Variants in GPCPD1 observed in about 807,000 individuals in gnomAD.
The protein encoded by GPCPD1 is glycerophosphocholine phosphodiesterase 1, also known as glycerophosphocholine phosphodiesterase GPCPD1.
GPCPD1 carries 29 observed loss-of-function variants against 89.2 expected under a neutral mutation model. The observed-to-expected ratio is 0.33, with a 90% CI of 0.24 to 0.44. The LOEUF (loss-of-function observed/expected upper bound fraction) is 0.44, where lower values mean the gene tolerates loss of function less well. GPCPD1 is among the 20% of genes least tolerant of loss of function. The probability of loss-of-function intolerance (pLI) is 1.00; values close to 1 mark genes in which losing one functional copy is unlikely to be tolerated. For synonymous variants in GPCPD1, 258 were observed against 266.3 expected (o/e 0.97, Z 0.30); for missense variants, 594 against 808.9 (o/e 0.73, Z 3.22).
At chr20:5,579,236 T>C (rs952169497) in intron 7 of GPCPD1, among the ~76,000 whole-genome samples, 3 of 152,114 alleles carry the variant, frequency 2.0e-5, no homozygotes, top group African/African-American at 7.2e-5. Context: ...AAAAATTTTT[T>C]CCTGTGTGGA....
At chr20:5,580,613 C>A (rs1296870431) in intron 6 of GPCPD1, among the ~76,000 whole-genome samples, 2 of 151,346 alleles carry the variant, frequency 1.3e-5, no homozygotes, top group Non-Finnish European at 2.9e-5. Flanking sequence ...GTAGTCCCAG[C>A]TGCTTGGGAG....
chr20:5,610,972 C>G lies in GPCPD1; in HGVS notation c.-159G>C, dbSNP rs1407784240. Reference sequence around the variant, plus strand: ...CCCCCCAGGCGGCCTGCCGCGGCGTCGAGCGGCAGGAAGCAGCCACGCTCA... The same window carrying G: ...CCCCCCAGGCGGCCTGCCGCGGCGTGGAGCGGCAGGAAGCAGCCACGCTCA... On this transcript the variant is annotated 5_prime_UTR_variant, in exon 1 of 20. Coordinates refer to ENST00000379019, the MANE Select transcript of GPCPD1 (RefSeq NM_019593.5). 2 of 152,052 alleles carry G rather than the reference C, an allele frequency of 1.3e-5. No homozygotes were observed. Among genetic ancestry groups the G allele is most frequent in the South Asian group, 2.1e-4 (1 of 4,826 alleles). The allele number at this position is 152,052 out of a possible 1,614,324, so 9.4% of individuals were successfully genotyped here. A position where few individuals can be genotyped will look rare whatever the true frequency, so the allele number is the denominator to read the frequency against.
At chr20:5,573,086 C>CTTTTT (rs201953819) in intron 11 of GPCPD1, among the ~76,000 whole-genome samples, 1 of 144,146 alleles carries the variant, frequency 6.9e-6, no homozygotes, top group Non-Finnish European at 1.5e-5. Flanking sequence ...ATCTTTCCTT[C>CTTTTT]TTTTTTTTTT....
chr20:5,593,778 T>C (rs942270880), intron 3 of GPCPD1, among the ~76,000 whole-genome samples: 11 of 152,150 alleles, frequency 7.2e-5, no homozygotes, highest in Non-Finnish European at 1.6e-4. Context: ...CCAGGATAAG[T>C]TTCCAAACAG....
intron 12 of GPCPD1, among the ~76,000 whole-genome samples, chr20:5,569,192 C>T (rs1986568253): frequency 6.7e-6 from 1 of 149,974 alleles, no homozygotes; most frequent in Admixed American, 6.7e-5. Context: ...ATAATATATA[C>T]ATCATAATAA....
At chr20:5,562,516 A>G (rs1243244425) in intron 15 of GPCPD1, among the ~76,000 whole-genome samples, 1 of 152,200 alleles carries the variant, frequency 6.6e-6, no homozygotes. Context: ...TCCTGACCTC[A>G]GGTGATCCAC....
At chr20:5,583,283 C>T (rs573385261) in intron 6 of GPCPD1, among the ~76,000 whole-genome samples, 3 of 149,970 alleles carry the variant, frequency 2.0e-5, no homozygotes, top group African/African-American at 7.3e-5. Context: ...GTGGCTCACA[C>T]CTGTAATCCT....
chr20:5,589,189 G>C (rs928257309), intron 4 of GPCPD1, among the ~76,000 whole-genome samples: 2 of 152,040 alleles, frequency 1.3e-5, no homozygotes, highest in African/African-American at 2.4e-5. Flanking sequence ...ATGTACATTG[G>C]TTGGTAAACT....
At chr20:5,594,158 C>G (rs1979532688) in intron 3 of GPCPD1, among the ~76,000 whole-genome samples, 1 of 152,224 alleles carries the variant, frequency 6.6e-6, no homozygotes, top group South Asian at 2.1e-4. Context: ...GTGCTATCCA[C>G]AGCATGGTCC....
intron 2 of GPCPD1, among the ~76,000 whole-genome samples, chr20:5,603,247 C>T (rs956597219): frequency 2.8e-4 from 43 of 152,110 alleles, no homozygotes; most frequent in Non-Finnish European, 5.0e-4. Context: ...GAGCTGGGAT[C>T]GCATCACTGC....
chr20:5,595,896 A>T (rs1204492647), intron 3 of GPCPD1, among the ~76,000 whole-genome samples: 1 of 152,168 alleles, frequency 6.6e-6, no homozygotes. Context: ...GAGTAGAATT[A>T]CTAATAAGCT....
rs1227643446 is a variant in GPCPD1 at position 5,578,610 on chromosome 20, C to A, written c.475G>T (p.Val159Leu). ...TCCAGGCCTTCTAGTGTCAGCTTCA[C>A]CCTACGTAATAAACAAAATAATGAG... The part of the protein sequence containing the change: ...KKKLKKSRFR[V>L]KLTLEGLEED... Residue 159 changes from valine to leucine, a missense_variant and splice_region_variant, in exon 8 of 20, where the codon GTG becomes TTG. Coordinates refer to ENST00000379019, the MANE Select transcript of GPCPD1 (RefSeq NM_019593.5). 1 of 1,585,912 alleles carries A rather than the reference C, an allele frequency of 6.3e-7. No homozygotes were observed. The highest frequency in any genetic ancestry group is 8.7e-7 in the Non-Finnish European group (1 of 1,154,568).
chr20:5,585,997 C>A (rs1978894317), intron 5 of GPCPD1, 197 bp downstream of exon 5: 2 of 429,028 alleles, frequency 4.7e-6, no homozygotes, highest in Admixed American at 4.0e-5. Flanking sequence ...GTAAATATTT[C>A]TAATAAAGTT....
At chr20:5,606,335 C>T (rs1980584649) in intron 1 of GPCPD1, among the ~76,000 whole-genome samples, 1 of 151,926 alleles carries the variant, frequency 6.6e-6, no homozygotes, top group Non-Finnish European at 1.5e-5. Context: ...ATTCCAATCA[C>T]ATCTTTATTC....
At chr20:5,595,645 CA>C (rs1166039109) in intron 3 of GPCPD1, among the ~76,000 whole-genome samples, 1 of 121,830 alleles carries the variant, frequency 8.2e-6, no homozygotes, top group Non-Finnish European at 1.6e-5. Context: ...CATCTCAAAA[CA>C]AAAACAAAAA....
chr20:5,581,841 T>TTC (rs1978517727), intron 6 of GPCPD1, among the ~76,000 whole-genome samples: 1 of 125,604 alleles, frequency 8.0e-6, no homozygotes, highest in Non-Finnish European at 1.8e-5. Context: ...TTTTTTTTTT[T>TTC]TTTTTTGCAG....
intron 19 of GPCPD1, among the ~76,000 whole-genome samples, chr20:5,550,308 TAGG>T (rs1985327177): frequency 1.3e-5 from 1 of 74,840 alleles, no homozygotes; most frequent in African/African-American, 5.2e-5. Context: ...AAAGACAAAA[TAGG>T]AGGAAAAAAA....
At chr20:5,559,750 T>C (rs948682471) in intron 17 of GPCPD1, among the ~76,000 whole-genome samples, 190 bp downstream of exon 17, 1 of 152,092 alleles carries the variant, frequency 6.6e-6, no homozygotes, top group African/African-American at 2.4e-5. Flanking sequence ...ACCTAGTAGG[T>C]GTGGACTTCA....
At chr20:5,609,477 T>C (rs537774932) in intron 1 of GPCPD1, among the ~76,000 whole-genome samples, 9 of 152,372 alleles carry the variant, frequency 5.9e-5, no homozygotes, top group African/African-American at 2.2e-4. Flanking sequence ...AATTCCTTGA[T>C]CAACTTTCTA....
Sources: gnomAD v4.1 joint callset for allele counts (sites outside exome capture counted in the v4.1 genomes callset) on GRCh38, gnomAD v4.1.1 for gene constraint, MANE v1.5 for transcripts, NCBI Gene and HGNC (gene_info 2026-07-23, HGNC 2026-07-21) for gene names.